Variants in NUP210L observed in about 807,000 individuals in gnomAD.
NUP210L encodes the protein nucleoporin 210 like.
In NUP210L, 74 loss-of-function variants were observed where a neutral mutation model predicts 208.5. That is an observed-to-expected ratio of 0.35 (90% confidence interval 0.29 to 0.43). The LOEUF is 0.43. Ranked by LOEUF, NUP210L falls within the 20% of genes least tolerant of loss-of-function variation. The probability of loss-of-function intolerance (pLI) is 1.00; values close to 1 mark genes in which losing one functional copy is unlikely to be tolerated. For synonymous variants in NUP210L, 780 were observed against 816.9 expected, an observed-to-expected ratio of 0.95 and a Z score of 0.77; for missense variants, 1,843 against 2,289.4, an observed-to-expected ratio of 0.81 and a Z score of 3.98.
At chr1:154,046,102 C>T in exon 27 of NUP210L, 4 of 1,614,050 alleles carry the variant, frequency 2.5e-6, no homozygotes, top group Non-Finnish European at 3.4e-6. Flanking sequence ...CCAATACATC[C>T]CTTTTGCTCA....
chr1:154,132,450 G>A (rs1452335830), intron 7 of NUP210L, among the ~76,000 whole-genome samples: 3 of 152,008 alleles, frequency 2.0e-5, no homozygotes, highest in South Asian at 4.1e-4. Context: ...AACTGAACTC[G>A]CTATCTTTTT....
intron 25 of NUP210L, among the ~76,000 whole-genome samples, chr1:154,048,849 A>G (rs1379524540): frequency 6.6e-6 from 1 of 152,180 alleles, no homozygotes; most frequent in East Asian, 1.9e-4. Flanking sequence ...ACAGTGGGGA[A>G]ATTCAAATTG....
intron 20 of NUP210L, 144 bp from the exon 21 acceptor site, chr1:154,058,837 G>T: frequency 2.8e-6 from 2 of 718,248 alleles, no homozygotes; most frequent in Non-Finnish European, 2.2e-6. Flanking sequence ...ACATTATTCA[G>T]GCATAGCATA....
chr1:154,108,468 T>TCAACAACAC (rs1557982146), intron 12 of NUP210L, among the ~76,000 whole-genome samples: 1 of 151,956 alleles, frequency 6.6e-6, no homozygotes, highest in African/African-American at 2.4e-5. Flanking sequence ...GCAACCAGCC[T>TCAACAACAC]AGAGTTTTGA....
intron 12 of NUP210L, among the ~76,000 whole-genome samples, chr1:154,106,871 T>A (rs1397928333): frequency 6.6e-6 from 1 of 152,208 alleles, no homozygotes; most frequent in African/African-American, 2.4e-5. Context: ...CACTCAATTC[T>A]CTTTGAATAC....
rs73010791 is a variant in NUP210L at position 154,082,417 on chromosome 1, C to T, written c.2361+7004G>A. 1.9e-3 allele frequency among the ~76,000 whole-genome samples: 292 copies of T among 152,274 alleles called. 1 individual carries two copies. Among genetic ancestry groups the T allele is most frequent in the African/African-American group, 6.8e-3 (283 of 41,566 alleles). ...TACCTAATAACAGAGCCTCAAAATA[C>T]ATGAAGCAAAACCTGACAGAATTGA... On this transcript the variant is annotated intron_variant, in intron 16 of 39. Transcript: ENST00000368559.
intron 15 of NUP210L, among the ~76,000 whole-genome samples, chr1:154,093,564 G>A (rs1315065669): frequency 6.6e-6 from 1 of 152,180 alleles, no homozygotes; most frequent in Admixed American, 6.6e-5. Context: ...TATGTAGTGA[G>A]CTACGATCGT....
chr1:154,012,475 C>T lies in NUP210L; in HGVS notation c.4654-105G>A, dbSNP rs988860626. On this transcript the variant is annotated intron_variant, in intron 33 of 39. Coordinates refer to ENST00000368559, the Ensembl canonical transcript of NUP210L. Reference sequence around the variant, plus strand: ...TTTAACCAAAAGTATCTGTTTCACACAAGTACAGATTCCATCTCATGACCA... The same window carrying T: ...TTTAACCAAAAGTATCTGTTTCACATAAGTACAGATTCCATCTCATGACCA... The T allele has an allele frequency of 5.6e-6, 6 of 1,066,636 alleles. No individual in the cohort carries two copies. The African/African-American group carries it at 6.3e-5, about 11-fold the overall frequency. The allele number at this position is 1,066,636 out of a possible 1,614,324, so 66.1% of individuals were successfully genotyped here.
At chr1:154,127,270 T>C in intron 9 of NUP210L, 41 bp downstream of exon 9, 4 of 936,196 alleles carry the variant, frequency 4.3e-6, no homozygotes, top group Non-Finnish European at 6.8e-6. Flanking sequence ...ATGTATCTTA[T>C]CCCTACAAGG....
chr1:154,118,544 G>A, intron 11 of NUP210L, 127 bp downstream of exon 11: 1 of 646,180 alleles, frequency 1.5e-6, no homozygotes, highest in South Asian at 4.8e-5. Context: ...AATTTTGGTT[G>A]TCACCAAAAC....
intron 16 of NUP210L, chr1:154,078,919 C>G (rs1396718565): frequency 1.3e-5 from 2 of 152,198 alleles, no homozygotes; most frequent in Admixed American, 1.3e-4. Context: ...TTGAGGCCAG[C>G]ATTGCTCAGG....
At chr1:154,143,352 C>A in intron 3 of NUP210L, 94 bp downstream of exon 3, 1 of 1,019,592 alleles carries the variant, frequency 9.8e-7, no homozygotes. Context: ...TTCTAATCTA[C>A]TTTTGCCACT....
At chr1:154,059,707 C>T (rs1007036383) in intron 20 of NUP210L, among the ~76,000 whole-genome samples, 6 of 152,070 alleles carry the variant, frequency 3.9e-5, no homozygotes, top group African/African-American at 1.4e-4. Flanking sequence ...TGCTACAGTT[C>T]CTGCACAATA....
At chr1:154,149,818 TACA>T (rs1466129028) in intron 2 of NUP210L, among the ~76,000 whole-genome samples, 8 of 152,188 alleles carry the variant, frequency 5.3e-5, no homozygotes, top group African/African-American at 1.9e-4. Context: ...GTGAAGAGAA[TACA>T]ACTTTATTAA....
rs1018206831 is a variant in NUP210L, at chr1:154,001,660, C to T, written c.5181+75G>A. On this transcript the variant is annotated intron_variant, in intron 36 of 39. Transcript: ENST00000368559. ...TAGGTCACTCAGTAACTTCTTTTGC[C>T]CTTGAAGTGAGAATGAAAACTATCT... The T allele has an allele frequency of 5.4e-6, 8 of 1,483,854 alleles. No homozygotes were observed. In the African/African-American group the frequency reaches 1.1e-4, roughly 21 times the overall value. The allele number at this position is 1,483,854 out of a possible 1,614,324, so 91.9% of individuals were successfully genotyped here. A position where few individuals can be genotyped will look rare whatever the true frequency, so the allele number is the denominator to read the frequency against.
At chr1:154,074,488 ATTT>A (rs113689298) in intron 16 of NUP210L, among the ~76,000 whole-genome samples, 2 of 125,772 alleles carry the variant, frequency 1.6e-5, no homozygotes, top group Non-Finnish European at 1.7e-5. Context: ...TGGGATCACG[ATTT>A]TTTTTTTTTT....
At chr1:154,013,006 CAA>C (rs149011212) in intron 33 of NUP210L, among the ~76,000 whole-genome samples, 6 of 72,620 alleles carry the variant, frequency 8.3e-5, no homozygotes, top group Admixed American at 2.1e-4. Flanking sequence ...AACTCTGAAT[CAA>C]AAAAAAAAAA....
At chr1:154,071,700 A>G (rs1654741580) in intron 16 of NUP210L, among the ~76,000 whole-genome samples, 1 of 145,254 alleles carries the variant, frequency 6.9e-6, no homozygotes, top group Non-Finnish European at 1.5e-5. Flanking sequence ...CAGTGGCACA[A>G]TTTTGGCTCA....
At chr1:154,020,446 G>A (rs561409836) in intron 32 of NUP210L, among the ~76,000 whole-genome samples, 1 of 152,128 alleles carries the variant, frequency 6.6e-6, no homozygotes, top group Admixed American at 6.6e-5. Flanking sequence ...GATCTCCTGG[G>A]CTCATGCAAT....
Sources: allele counts gnomAD v4.1 joint callset (sites outside exome capture counted in the v4.1 genomes callset), GRCh38; gene constraint gnomAD v4.1.1; transcripts MANE v1.5; gene names NCBI Gene and HGNC (gene_info 2026-07-23, HGNC 2026-07-21).